The following LEPROTL1 variants were observed in gnomAD, a reference collection of about 807,000 sequenced individuals.
The protein encoded by LEPROTL1 is leptin receptor overlapping transcript-like 1.
In LEPROTL1, 6 loss-of-function variants were observed where a neutral mutation model predicts 15.4. The ratio of observed to expected loss-of-function variants is 0.39; its 90% CI spans 0.21 to 0.77. The LOEUF (loss-of-function observed/expected upper bound fraction) is 0.77, where lower values mean the gene tolerates loss of function less well. LEPROTL1 is among the 30% of genes least tolerant of loss of function. The probability of loss-of-function intolerance (pLI) is 0.41; values close to 1 mark genes in which losing one functional copy is unlikely to be tolerated. For synonymous variants in LEPROTL1, 56 were observed against 52.6 expected (o/e 1.06, Z -0.28); for missense variants, 128 against 158.1 (o/e 0.81, Z 1.02).
downstream of LEPROTL1, among the ~76,000 whole-genome samples, chr8:30,112,372 T>C (rs899866645): frequency 6.9e-5 from 10 of 143,916 alleles, no homozygotes; most frequent in African/African-American, 2.0e-4. Context: ...AGTAGCTGGA[T>C]CACAGGTGTG....
downstream of LEPROTL1, among the ~76,000 whole-genome samples, chr8:30,110,623 A>G (rs949470743): frequency 1.3e-5 from 2 of 152,020 alleles, no homozygotes; most frequent in African/African-American, 4.8e-5. Flanking sequence ...AGTCCCAGCT[A>G]CTTGGGAGGC....
chr8:30,132,906 C>A lies in LEPROTL1; in HGVS notation c.394+417C>A, dbSNP rs1356099441. On this transcript the variant is annotated intron_variant, in intron 4 of 4. Coordinates refer to the LEPROTL1 transcript ENST00000442880. The stretch of plus-strand genomic sequence containing the variant: ...TGAGAGAAGAAAGAGTGATGCAGAA[C>A]CTGCAAGATAATTTTTTAAAGAACA... The A allele has an allele frequency of 4.0e-6, 6 of 1,501,724 alleles. No individual in the cohort carries two copies. The East Asian group carries it at 1.5e-4, about 37-fold the overall frequency. The allele number at this position is 1,501,724 out of a possible 1,614,324, so 93.0% of individuals were successfully genotyped here. A position where few individuals can be genotyped will look rare whatever the true frequency, so the allele number is the denominator to read the frequency against.
At chr8:30,105,662 G>A (rs1026272883) in intron 3 of LEPROTL1, 84 bp from the exon 4 acceptor site, 8 of 1,077,028 alleles carry the variant, frequency 7.4e-6, no homozygotes, top group Middle Eastern at 2.4e-4. Flanking sequence ...GATCATAATT[G>A]GGATACAACT....
At chr8:30,113,627 A>AT in intron 3 of LEPROTL1, among the ~76,000 whole-genome samples, 1 of 152,172 alleles carries the variant, frequency 6.6e-6, no homozygotes, top group Non-Finnish European at 1.5e-5. Context: ...CTCACCCTCC[A>AT]TTATGGGCCG....
chr8:30,115,049 A>G (rs1802715213), intron 3 of LEPROTL1, among the ~76,000 whole-genome samples: 1 of 152,106 alleles, frequency 6.6e-6, no homozygotes, highest in African/African-American at 2.4e-5. Flanking sequence ...ACTCATGTAC[A>G]GTATTTGACT....
rs531580842 is a variant in LEPROTL1 at position 30,118,237 on chromosome 8, A to G, written c.279+13751A>G. Among the ~76,000 whole-genome samples, 3 of 152,114 alleles carry G rather than the reference A, an allele frequency of 2.0e-5. No homozygotes were observed. The East Asian group carries it at 5.8e-4, about 29-fold the overall frequency. On this transcript the variant is annotated intron_variant, in intron 3 of 4. Coordinates refer to the LEPROTL1 transcript ENST00000442880. ...ACTGGGTTGGCCAGGCTGGTCTCGA[A>G]TTCCTGACCTCAAGTGATCCAACTG...
In LEPROTL1 at chr8:30,108,125, CATT is replaced by C; in HGVS notation, c.*2265_*2267del. 1 of 472,244 alleles carries C rather than the reference CATT, an allele frequency of 2.1e-6. No homozygotes were observed. Among genetic ancestry groups the C allele is most frequent in the Non-Finnish European group, 2.8e-6 (1 of 361,196 alleles). 29.3% of individuals were successfully genotyped at this position (472,244 alleles called of 1,614,324 possible). ...TATGGCACACTTTCATTCTGAAGTG[CATT>C]AACATTCTAATAAGGTGATGTAAAG... On this transcript the variant is annotated 3_prime_UTR_variant, in exon 4 of 4. Transcript: ENST00000321250.
intron 1 of LEPROTL1, among the ~76,000 whole-genome samples, chr8:30,100,017 T>C (rs962576239): frequency 3.3e-5 from 5 of 152,234 alleles, no homozygotes; most frequent in African/African-American, 1.2e-4. Context: ...ACAGTTTATA[T>C]TGCATTCCCC....
downstream of LEPROTL1, among the ~76,000 whole-genome samples, chr8:30,113,306 A>G (rs1003949679): frequency 4.6e-5 from 7 of 152,060 alleles, no homozygotes; most frequent in African/African-American, 1.7e-4. Context: ...AGAGAAATAC[A>G]TGGGCAAAGT....
intron 1 of LEPROTL1, among the ~76,000 whole-genome samples, chr8:30,098,369 C>T (rs1418040974): frequency 6.6e-6 from 1 of 152,070 alleles, no homozygotes; most frequent in East Asian, 1.9e-4. Flanking sequence ...CTCTGAATTC[C>T]CATCTAACAA....
chr8:30,109,320 T>C (rs565351253), downstream of LEPROTL1, among the ~76,000 whole-genome samples: 10 of 152,294 alleles, frequency 6.6e-5, no homozygotes, highest in East Asian at 1.9e-3. Flanking sequence ...TCAGTGAAGA[T>C]TAGGAGCTCT....
intron 3 of LEPROTL1, among the ~76,000 whole-genome samples, chr8:30,114,893 A>G (rs1802712286): frequency 6.6e-6 from 1 of 152,140 alleles, no homozygotes; most frequent in African/African-American, 2.4e-5. Flanking sequence ...TGGGGGTCAC[A>G]CGCACCTCCT....
intron 4 of LEPROTL1, among the ~76,000 whole-genome samples, chr8:30,135,600 A>G (rs1317729754): frequency 1.3e-5 from 2 of 152,130 alleles, no homozygotes; most frequent in Admixed American, 1.3e-4. Context: ...TGGCAAGATT[A>G]TTGAGGAGAA....
chr8:30,123,603 C>G (rs1802863497), intron 3 of LEPROTL1, among the ~76,000 whole-genome samples: 1 of 152,216 alleles, frequency 6.6e-6, no homozygotes, highest in Admixed American at 6.5e-5. Context: ...CGCTCCGTCT[C>G]TCTCTCACTC....
chr8:30,127,601 C>T (rs1226018898), intron 3 of LEPROTL1, among the ~76,000 whole-genome samples: 2 of 149,316 alleles, frequency 1.3e-5, no homozygotes, highest in Non-Finnish European at 3.0e-5. Context: ...CCCAGGAGTT[C>T]AATGCTGAAG....
intron 3 of LEPROTL1, among the ~76,000 whole-genome samples, chr8:30,124,164 G>T (rs902494413): frequency 6.6e-6 from 1 of 152,060 alleles, no homozygotes; most frequent in African/African-American, 2.4e-5. Context: ...GACCAACCTT[G>T]ATTCAATGTG....
chr8:30,117,321 CTT>C (rs35882810), intron 3 of LEPROTL1: 450,702 of 698,758 alleles, frequency 0.65, 106,997 homozygotes, highest in Admixed American at 0.7. Context: ...GACCCTGTTT[CTT>C]TTTTTTTTTT....
intron 2 of LEPROTL1, 40 bp downstream of exon 2, chr8:30,102,013 A>G (rs749310613): frequency 7.5e-7 from 1 of 1,326,730 alleles, no homozygotes; most frequent in Admixed American, 2.1e-5. Context: ...TTAAGGGTAA[A>G]ATTTTTCTAC....
chr8:30,113,222 G>A (rs905080058), downstream of LEPROTL1, among the ~76,000 whole-genome samples: 1 of 152,092 alleles, frequency 6.6e-6, no homozygotes, highest in African/African-American at 2.4e-5. Context: ...GTTGCAGTAA[G>A]CCGAGATTGC....
Sources: allele counts gnomAD v4.1 joint callset (sites outside exome capture counted in the v4.1 genomes callset), GRCh38; gene constraint gnomAD v4.1.1; transcripts MANE v1.5; gene names NCBI Gene and HGNC (gene_info 2026-07-23, HGNC 2026-07-21).